Variants in RYR3 observed in about 807,000 individuals in gnomAD.
RYR3 encodes the protein ryanodine receptor 3.
A neutral mutation model predicts 584.3 loss-of-function variants in RYR3; 207 were observed. The observed-to-expected ratio is 0.35, with a 90% CI of 0.32 to 0.40. RYR3 has a LOEUF of 0.40. Ranked by LOEUF, RYR3 falls within the 10% of genes least tolerant of loss-of-function variation. The probability of loss-of-function intolerance (pLI) is 1.00; values close to 1 mark genes in which losing one functional copy is unlikely to be tolerated. For synonymous variants in RYR3, 2,416 were observed against 2,248.5 expected, an observed-to-expected ratio of 1.07 and a Z score of -2.11; for missense variants, 5,616 against 6,089.2, an observed-to-expected ratio of 0.92 and a Z score of 2.59.
intron 36 of RYR3, among the ~76,000 whole-genome samples, chr15:33,665,769 T>G (rs1162698070): frequency 6.6e-6 from 1 of 152,236 alleles, no homozygotes; most frequent in Non-Finnish European, 1.5e-5. Context: ...TTTGGCACAG[T>G]GCAAATAATC....
chr15:33,457,264 C>G (rs146492128), intron 1 of RYR3, among the ~76,000 whole-genome samples: 1 of 152,146 alleles, frequency 6.6e-6, no homozygotes, highest in Non-Finnish European at 1.5e-5. Flanking sequence ...GACCTTGATT[C>G]TTCTTGAAAT....
At chr15:33,402,373 A>G (rs1250189462) in intron 1 of RYR3, among the ~76,000 whole-genome samples, 2 of 152,240 alleles carry the variant, frequency 1.3e-5, no homozygotes, top group Non-Finnish European at 2.9e-5. Context: ...ATGGAATTTG[A>G]GTCTCCCAAT....
chr15:33,409,278 C>T (rs968185944), intron 1 of RYR3, among the ~76,000 whole-genome samples: 7 of 149,274 alleles, frequency 4.7e-5, no homozygotes, highest in Admixed American at 2.7e-4. Context: ...TGGTGTGCTG[C>T]GTATAATAAA....
At chr15:33,800,975 T>C (rs1355134672) in intron 68 of RYR3, 118 bp downstream of exon 68, 8 of 754,294 alleles carry the variant, frequency 1.1e-5, no homozygotes, top group South Asian at 1.6e-5. Context: ...CTGAGCCACA[T>C]GTGAGGACCA....
At chr15:33,474,840 G>A (rs1349682125) in intron 2 of RYR3, among the ~76,000 whole-genome samples, 1 of 152,172 alleles carries the variant, frequency 6.6e-6, no homozygotes, top group Non-Finnish European at 1.5e-5. Flanking sequence ...CAGGGTGATG[G>A]CCACGTCCTC....
At chr15:33,815,943 C>A (rs1308055929) in intron 74 of RYR3, 7 of 398,390 alleles carry the variant, frequency 1.8e-5, no homozygotes, top group Non-Finnish European at 3.1e-5. Context: ...GGTAATGTAA[C>A]CTGTGGAGAG....
intron 8 of RYR3, among the ~76,000 whole-genome samples, chr15:33,547,083 A>G (rs574642244): frequency 6.6e-6 from 1 of 152,340 alleles, no homozygotes; most frequent in East Asian, 1.9e-4. Context: ...TGAATTTTGT[A>G]TAATGTGGAG....
intron 18 of RYR3, among the ~76,000 whole-genome samples, chr15:33,603,856 G>A (rs4780132): frequency 0.32 from 48,082 of 152,082 alleles, 7,887 homozygotes; most frequent in Middle Eastern, 0.36. Context: ...AACACAGCCT[G>A]TTGCTTCATA....
intron 1 of RYR3, among the ~76,000 whole-genome samples, chr15:33,363,435 A>G (rs1975045931): frequency 6.6e-6 from 1 of 152,220 alleles, no homozygotes; most frequent in Admixed American, 6.5e-5. Flanking sequence ...CAGTTTTGGG[A>G]CACAGAGGAT....
chr15:33,821,341 G>T lies in RYR3; in HGVS notation c.10887G>T (p.Met3629Ile). Reference protein sequence around the residue: ...ARLHERGAAEMVLQMISASKG... With the variant: ...ARLHERGAAEIVLQMISASKG... ...TGCATGAGCGTGGTGCTGCAGAGAT[G>T]GTCCTTCAGATGATAAGCGCTAGCA... The change falls in exon 79 of 104, where the codon ATG becomes ATT. Residue 3629 changes from methionine (M) to isoleucine (I), a missense_variant. This residue lies in a region of RYR3 where 954 missense variants were observed against 1,132.2 expected (regional missense o/e 0.84). Coordinates refer to ENST00000634891, the MANE Select transcript of RYR3 (RefSeq NM_001036.6). The T allele has an allele frequency of 6.2e-7, 1 of 1,603,084 alleles. No individual in the cohort carries two copies.
chr15:33,732,268 G>A (rs1963234), intron 48 of RYR3, among the ~76,000 whole-genome samples: 14,122 of 150,918 alleles, frequency 0.094, 889 homozygotes, highest in East Asian at 0.29. Flanking sequence ...GACGCCTGTA[G>A]TCCCAGCTAC....
intron 93 of RYR3, 54 bp downstream of exon 93, chr15:33,845,116 T>G: frequency 6.3e-7 from 1 of 1,580,028 alleles, no homozygotes; most frequent in Non-Finnish European, 8.7e-7. Context: ...AGAAATGTCC[T>G]TTTTGAGCCC....
At chr15:33,365,418 G>T (rs536907647) in intron 1 of RYR3, among the ~76,000 whole-genome samples, 16 of 152,282 alleles carry the variant, frequency 1.1e-4, no homozygotes, top group Non-Finnish European at 1.6e-4. Context: ...GAAGGGAGGA[G>T]AAGTCATTTC....
At chr15:33,662,004 T>C (rs2063193476) in intron 34 of RYR3, 149 bp from the exon 35 acceptor site, 2 of 627,608 alleles carry the variant, frequency 3.2e-6, no homozygotes, top group Non-Finnish European at 5.5e-6. Context: ...GGACCAGAGC[T>C]GAGAGAGGCA....
In RYR3 at chr15:33,677,326, C is replaced by T. The variant is rs944404853; in HGVS notation, c.5860+6770C>T. Among the ~76,000 whole-genome samples the T allele has an allele frequency of 5.3e-5, 8 of 152,244 alleles. No homozygotes were observed. The South Asian group carries it at 6.2e-4, about 12-fold the overall frequency. Reference sequence around the variant, plus strand: ...TCTATATTGAAACTAAAAAGCAATTCGATGACTTTCCCAGCTGAGTGAAGA... The same window carrying T: ...TCTATATTGAAACTAAAAAGCAATTTGATGACTTTCCCAGCTGAGTGAAGA... On this transcript the variant is annotated intron_variant, in intron 38 of 103. Coordinates refer to ENST00000634891, the MANE Select transcript of RYR3 (RefSeq NM_001036.6).
At chr15:33,748,611 G>A in intron 55 of RYR3, 81 bp downstream of exon 55, 1 of 1,164,704 alleles carries the variant, frequency 8.6e-7, no homozygotes, top group South Asian at 1.3e-5. Context: ...GGAAAAAAGG[G>A]AAAGAATGCC....
intron 18 of RYR3, among the ~76,000 whole-genome samples, chr15:33,603,802 C>T (rs972028984): frequency 5.3e-5 from 8 of 152,226 alleles, no homozygotes; most frequent in Non-Finnish European, 1.0e-4. Flanking sequence ...TTCAAAGTCA[C>T]ACTAGGAAGG....
rs181853308 is a variant in RYR3 at position 33,466,068 on chromosome 15, G to A, written c.52-7351G>A. Among the ~76,000 whole-genome samples, 235 of 152,300 alleles carry A rather than the reference G, an allele frequency of 1.5e-3. 1 individual carries two copies. Among genetic ancestry groups the A allele is most frequent in the Non-Finnish European group, 1.0e-3 (70 of 68,022 alleles). On this transcript the variant is annotated intron_variant, in intron 1 of 103. Transcript: ENST00000634891. ...TTGGACATCCAAGTTGAGATGTTGA[G>A]TAGCATTTGGAAACACAAGTCGAGT...
chr15:33,864,014 T>A (rs570657870), intron 102 of RYR3, 124 bp from the exon 103 acceptor site: 1 of 640,640 alleles, frequency 1.6e-6, no homozygotes, highest in East Asian at 2.8e-5. Flanking sequence ...ACTTCCCTGA[T>A]CATTTAAGTC....
Sources: gnomAD v4.1 joint callset for allele counts (sites outside exome capture counted in the v4.1 genomes callset) on GRCh38, gnomAD v4.1.1 for gene constraint, gnomAD v4.1.1 regional missense constraint, MANE v1.5 for transcripts, NCBI Gene and HGNC (gene_info 2026-07-23, HGNC 2026-07-21) for gene names.